Variants in PSMF1 observed in about 807,000 individuals in gnomAD.
PSMF1 encodes the protein proteasome inhibitor subunit 1, also known as proteasome inhibitor PI31 subunit.
A neutral mutation model predicts 29.3 loss-of-function variants in PSMF1; 30 were observed. The ratio of observed to expected loss-of-function variants is 1.02; its 90% confidence interval spans 0.77 to 1.39. PSMF1 has a LOEUF of 1.39. Ranked by LOEUF, PSMF1 falls within the 40% of genes most tolerant of loss-of-function variation. The pLI is 0.00. For synonymous variants in PSMF1, 134 were observed against 139.7 expected, an observed-to-expected ratio of 0.96 and a Z score of 0.29; for missense variants, 344 against 357.5, an observed-to-expected ratio of 0.96 and a Z score of 0.31.
intron 2 of PSMF1, chr20:1,125,938 C>G: frequency 1.8e-6 from 1 of 552,434 alleles, no homozygotes; most frequent in South Asian, 1.5e-5. Flanking sequence ...ACTTAGGTAA[C>G]CCCAATGGGC....
rs1334951956 is a variant in PSMF1 at position 1,169,205 on chromosome 20, G to A, written c.*4125G>A. 2.0e-5 allele frequency among the ~76,000 whole-genome samples: 3 copies of A among 152,178 alleles called. No individual in the cohort carries two copies. The highest frequency in any genetic ancestry group is 2.9e-5 in the Non-Finnish European group (2 of 68,040). On this transcript the variant is annotated 3_prime_UTR_variant, in exon 7 of 7. Coordinates refer to ENST00000335877, the MANE Select transcript of PSMF1 (RefSeq NM_006814.5). ...ACACATGGACCAAGTCACTGCGGCC[G>A]TACTTGGCCCTGAATCTGTCCTGGA...
intron 4 of PSMF1, among the ~76,000 whole-genome samples, chr20:1,162,477 A>C (rs1466684923): frequency 3.9e-5 from 6 of 152,208 alleles, no homozygotes; most frequent in African/African-American, 7.2e-5. Context: ...TATTACAGAG[A>C]TAATATAGAA....
chr20:1,132,938 T>G (rs896820390), intron 3 of PSMF1, among the ~76,000 whole-genome samples: 14 of 151,276 alleles, frequency 9.3e-5, no homozygotes, highest in African/African-American at 3.4e-4. Context: ...TCCTGTCACC[T>G]TGCTGAATTC....
intron 3 of PSMF1, among the ~76,000 whole-genome samples, chr20:1,130,753 C>G (rs116926541): frequency 1.6e-4 from 24 of 152,344 alleles, no homozygotes; most frequent in African/African-American, 5.8e-4. Context: ...AAGTGACCCT[C>G]CCACCTGAGC....
chr20:1,133,539 A>C (rs1192533211), intron 3 of PSMF1, among the ~76,000 whole-genome samples: 1 of 111,638 alleles, frequency 9.0e-6, no homozygotes, highest in Non-Finnish European at 1.9e-5. Context: ...CATAGGATAT[A>C]CTAGTCTATA....
At chr20:1,133,569 A>ATATATATATATATTTTTTTTTTTTTT in intron 3 of PSMF1, among the ~76,000 whole-genome samples, 7 of 53,292 alleles carry the variant, frequency 1.3e-4, no homozygotes, top group East Asian at 3.1e-4. Context: ...ATATATATAT[A>ATATATATATATATTTTTTTTTTTTTT]TTTTTTTTTT....
At position 1,165,770 on chromosome 20, in the gene PSMF1, A is replaced by G. The variant is rs1215998579; in HGVS notation, c.*690A>G. ...TCTGATGAGGCAAAATCCTCCAGCT[A>G]TTCCTGTCTGGGCCAGTTTTGTAGG... is the stretch of plus-strand genomic sequence containing the variant. On this transcript the variant is annotated 3_prime_UTR_variant, in exon 7 of 7. Coordinates refer to ENST00000335877, the MANE Select transcript of PSMF1 (RefSeq NM_006814.5). The G allele has an allele frequency of 9.8e-7, 1 of 1,023,832 alleles. No homozygotes were observed. The highest frequency in any genetic ancestry group is 1.2e-6 in the Non-Finnish European group (1 of 852,444). The allele number at this position is 1,023,832 out of a possible 1,614,324, so 63.4% of individuals were successfully genotyped here.
chr20:1,148,675 A>G (rs2086487318), intron 4 of PSMF1, among the ~76,000 whole-genome samples: 1 of 152,200 alleles, frequency 6.6e-6, no homozygotes, highest in Non-Finnish European at 1.5e-5. Context: ...CTAGTATGCT[A>G]TGGTTTATAT....
At position 1,164,418 on chromosome 20, in the gene PSMF1, G is replaced by T. The variant is rs143820411; in HGVS notation, c.706G>T (p.Ala236Ser). Residue 236 changes from alanine to serine, a missense_variant, in exon 6 of 7, where the codon GCT becomes TCT. By Grantham distance (99) the Ala-to-Ser change is moderately conservative. Coordinates refer to ENST00000335877, the MANE Select transcript of PSMF1 (RefSeq NM_006814.5). This position sits in a 1 kb window ranked among gnomAD's most constrained non-coding sequence, Gnocchi z 4.1. ...SGLPNRLPPG[A>S]VPPGARFDPF... ...CCTCCCGAACCGACTTCCTCCAGGCGCTGTGCCCCCAGGAGCTCGCTTTGA... is the reference window on the plus strand; with the variant it reads ...CCTCCCGAACCGACTTCCTCCAGGCTCTGTGCCCCCAGGAGCTCGCTTTGA... 1.2e-6 allele frequency: 2 copies of T among 1,613,998 alleles called. No individual in the cohort carries two copies. Among genetic ancestry groups the T allele is most frequent in the Non-Finnish European group, 1.7e-6 (2 of 1,180,022 alleles).
intron 1 of PSMF1, among the ~76,000 whole-genome samples, chr20:1,120,468 C>G (rs1275948826): frequency 6.6e-6 from 1 of 152,188 alleles, no homozygotes; most frequent in Non-Finnish European, 1.5e-5. Context: ...GCATTTCAGA[C>G]CTTGGGACCA....
chr20:1,138,378 C>A (rs2086334729), intron 4 of PSMF1, among the ~76,000 whole-genome samples: 1 of 151,946 alleles, frequency 6.6e-6, no homozygotes, highest in Admixed American at 6.6e-5. Flanking sequence ...CAAAGGAGGC[C>A]AGGCGCCCGG....
intron 1 of PSMF1, among the ~76,000 whole-genome samples, chr20:1,124,635 C>T (rs2086130901): frequency 6.6e-6 from 1 of 152,170 alleles, no homozygotes; most frequent in African/African-American, 2.4e-5. Context: ...GCTGGAAATA[C>T]TCCAAATCAC....
At chr20:1,115,935 G>T (rs2086007516), upstream of PSMF1, among the ~76,000 whole-genome samples, 1 of 151,750 alleles carries the variant, frequency 6.6e-6, no homozygotes, top group South Asian at 2.1e-4. Flanking sequence ...GTTTCACCAT[G>T]TTGGCCAGGC....
intron 1 of PSMF1, among the ~76,000 whole-genome samples, chr20:1,120,371 G>A (rs559510999): frequency 6.6e-6 from 1 of 152,272 alleles, no homozygotes; most frequent in South Asian, 2.1e-4. Flanking sequence ...CTGGAAGCAG[G>A]AATCATTTCA....
intron 4 of PSMF1, 94 bp downstream of exon 4, chr20:1,135,400 G>T (rs1007114813): frequency 5.4e-6 from 7 of 1,305,474 alleles, no homozygotes; most frequent in Non-Finnish European, 7.3e-6. Context: ...TCCCTGGCCC[G>T]TATGTGTTTT....
At position 1,125,611 on chromosome 20, in the gene PSMF1, A is replaced by C; in HGVS notation, c.243A>C (p.Lys81Asn). The C allele has an allele frequency of 6.2e-7, 1 of 1,613,984 alleles. No homozygotes were observed. Among genetic ancestry groups the C allele is most frequent in the East Asian group, 2.2e-5 (1 of 44,876 alleles). Residue 81 changes from lysine (K) to asparagine (N), a missense_variant, in exon 2 of 7, where the codon AAA becomes AAC. Physicochemically the swap from Lys to Asn is moderately conservative, Grantham distance 94 (BLOSUM62 0). Coordinates refer to ENST00000335877, the MANE Select transcript of PSMF1 (RefSeq NM_006814.5). The part of the protein sequence containing the change: ...YKDGSRKLLV[K>N]AITVESSMIL... ...ATGGGTCCAGAAAGCTCCTTGTGAA[A>C]GCCATCACCGTGGAGAGCAGCATGA...
chr20:1,147,896 A>G lies in PSMF1; in HGVS notation c.551+12590A>G, dbSNP rs540044877. ...CAGCAGGAAGGAGGCAAAAAGCAGC[A>G]CAGAAGCTGGCCTCTCTGGCTGCTG... On this transcript the variant is annotated intron_variant, in intron 4 of 6. Coordinates refer to ENST00000335877, the MANE Select transcript of PSMF1 (RefSeq NM_006814.5). 5.9e-5 allele frequency among the ~76,000 whole-genome samples: 9 copies of G among 152,310 alleles called. No individual in the cohort carries two copies. In the East Asian group the frequency reaches 9.7e-4, roughly 16 times the overall value.
chr20:1,134,451 T>C (rs1228478199), intron 3 of PSMF1, among the ~76,000 whole-genome samples: 9 of 152,196 alleles, frequency 5.9e-5, no homozygotes, highest in Non-Finnish European at 1.3e-4. Flanking sequence ...ATTTCAGTTA[T>C]TTTACATTTG....
At chr20:1,125,303 G>A (rs143440037) in intron 1 of PSMF1, among the ~76,000 whole-genome samples, 195 bp from the exon 2 acceptor site, 121 of 152,294 alleles carry the variant, frequency 7.9e-4, no homozygotes, top group Non-Finnish European at 9.7e-4. Context: ...GAGGGAGAGC[G>A]CAGTAGAACA....
Sources: allele counts gnomAD v4.1 joint callset (sites outside exome capture counted in the v4.1 genomes callset), GRCh38; gene constraint gnomAD v4.1.1; non-coding constraint Gnocchi (gnomAD v3.1); transcripts MANE v1.5; gene names NCBI Gene and HGNC (gene_info 2026-07-23, HGNC 2026-07-21).